The following MBD3 variants were observed in gnomAD, a reference collection of about 807,000 sequenced individuals.
The protein encoded by MBD3 is methyl-CpG binding domain protein 3.
In MBD3, 13 loss-of-function variants were observed where a neutral mutation model predicts 31.2. The ratio of observed to expected loss-of-function variants is 0.42; its 90% CI spans 0.27 to 0.66. The LOEUF (loss-of-function observed/expected upper bound fraction) is 0.66, where lower values mean the gene tolerates loss of function less well. Ranked by LOEUF, MBD3 falls within the 30% of genes least tolerant of loss-of-function variation. The pLI, the probability that MBD3 is intolerant of heterozygous loss-of-function variation, is 0.26. For synonymous variants in MBD3, 223 were observed against 187.4 expected (o/e 1.19, Z -1.55); for missense variants, 440 against 426.5 (o/e 1.03, Z -0.28).
intron 4 of MBD3, chr19:1,581,523 G>A: frequency 7.1e-6 from 4 of 560,464 alleles, no homozygotes; most frequent in South Asian, 5.9e-5. Flanking sequence ...TGGGAGGACT[G>A]ATTGAGCTTA....
chr19:1,592,603 G>T lies in MBD3; in HGVS notation c.29C>A (p.Ala10Glu). ...TTCCCTCTCCCAGCCCTGCGGGAGCGCCGGGCACTCCCACCTCTTCCGCTC... is the reference window on the plus strand; with the variant it reads ...TTCCCTCTCCCAGCCCTGCGGGAGCTCCGGGCACTCCCACCTCTTCCGCTC... MERKRWECPALPQGWEREEV... is the reference protein window; with the variant it reads MERKRWECPELPQGWEREEV... The change falls in exon 1 of 7, where the codon GCG (alanine) becomes GAG (glutamate). Residue 10 changes from alanine (A) to glutamate (E), a missense_variant. Around this residue, in one of 3 missense-constraint regions of MBD3, gnomAD observed 179 missense variants for 134.7 expected, o/e 1.33. Coordinates refer to ENST00000434436, the MANE Select transcript of MBD3 (RefSeq NM_001281453.2). The T allele has an allele frequency of 7.1e-7, 1 of 1,402,716 alleles. No homozygotes were observed. The highest frequency in any genetic ancestry group is 1.5e-5 in the African/African-American group (1 of 65,776). 86.9% of individuals were successfully genotyped at this position (1,402,716 alleles called of 1,614,324 possible).
At chr19:1,586,376 A>G (rs761348239) in intron 1 of MBD3, 1 of 152,352 alleles carries the variant, frequency 6.6e-6, no homozygotes, top group Non-Finnish European at 1.5e-5. Context: ...CGCCAGACAC[A>G]AAAGGCCACA....
At chr19:1,582,501 A>G (rs907879431) in intron 4 of MBD3, 121 bp downstream of exon 4, 6 of 926,490 alleles carry the variant, frequency 6.5e-6, no homozygotes, top group Non-Finnish European at 8.5e-6. Flanking sequence ...TCGCTGGCAG[A>G]TTTGCCCTAA....
chr19:1,592,577 C>A lies in MBD3; in HGVS notation c.55G>T (p.Glu19Ter). 6.9e-7 allele frequency: 1 copy of A among 1,444,968 alleles called. No homozygotes were observed. The highest frequency in any genetic ancestry group is 9.3e-7 in the Non-Finnish European group (1 of 1,077,284). 89.5% of individuals were successfully genotyped at this position (1,444,968 alleles called of 1,614,324 possible). Reference protein sequence around the residue: ...PALPQGWEREEVPRRSGLSAG... With the variant: ...PALPQGWERE ...GACAGCCCCGACCTTCTGGGCACTT[C>A]TTCCCTCTCCCAGCCCTGCGGGAGC... The change falls in exon 1 of 7, where the codon GAA becomes TAA. Residue 19 changes from glutamate to a stop codon, truncating the protein, a stop_gained. Transcript: ENST00000434436. LOFTEE classifies it high-confidence loss of function.
chr19:1,588,799 A>AG (rs2060690915), intron 1 of MBD3, among the ~76,000 whole-genome samples: 1 of 151,258 alleles, frequency 6.6e-6, no homozygotes, highest in Non-Finnish European at 1.5e-5. Context: ...AAAAAAAAAA[A>AG]AAGGTGTAAG....
At position 1,575,255 on chromosome 19, in the gene MBD3, C is replaced by A. The variant is rs2145585349; in HGVS notation, c.*2909G>T. 1 of 428,618 alleles carries A rather than the reference C, an allele frequency of 2.3e-6. No homozygotes were observed. Among genetic ancestry groups the A allele is most frequent in the East Asian group, 7.4e-5 (1 of 13,528 alleles). 26.6% of individuals were successfully genotyped at this position (428,618 alleles called of 1,614,324 possible). A position where few individuals can be genotyped will look rare whatever the true frequency, so the allele number is the denominator to read the frequency against. On this transcript the variant is annotated 3_prime_UTR_variant, in exon 7 of 7. Coordinates refer to ENST00000434436, the MANE Select transcript of MBD3 (RefSeq NM_001281453.2). ...GACCAGACTGGCCAACATGGTGAAA[C>A]CCTGTCTCTATTAAAAATACAAAAA...
Position 1,578,483 on chromosome 19 carries a change from C to T in MBD3, c.733G>A (p.Ala245Thr). The T allele has an allele frequency of 6.2e-7, 1 of 1,611,160 alleles. No homozygotes were observed. The highest frequency in any genetic ancestry group is 8.5e-7 in the Non-Finnish European group (1 of 1,179,908). Residue 245 changes from alanine to threonine, a missense_variant, in exon 6 of 7, where the codon GCC (alanine) becomes ACC (threonine). Ala to Thr is a moderately conservative substitution (Grantham distance 58). This residue lies in a region of MBD3 where 117 missense variants were observed against 95.0 expected (regional missense o/e 1.23). Coordinates refer to ENST00000434436, the MANE Select transcript of MBD3 (RefSeq NM_001281453.2). This position sits in a 1 kb window ranked among gnomAD's most constrained non-coding sequence, Gnocchi z 6.1. The stretch of plus-strand genomic sequence containing the variant: ...TCCTCCACGTGCGCCAGCATGTCGG[C>T]CATCAGCGCCTCCTCCAGCCGCTTC... ...VRKRLEEALMADMLAHVEELA... is the reference protein window; with the variant it reads ...VRKRLEEALMTDMLAHVEELA...
In MBD3 at chr19:1,578,329, C is replaced by G. The variant is rs372484409; in HGVS notation, c.*5+6G>C. 1 of 1,601,864 alleles carries G rather than the reference C, an allele frequency of 6.2e-7. No homozygotes were observed. The highest frequency in any genetic ancestry group is 1.3e-5 in the African/African-American group (1 of 74,892). ...ACTCCAGGGAGCCCCCGTGGCCCCGCAGCACCTGCCCTAGACGTGCTCCAT... is the reference window on the plus strand; with the variant it reads ...ACTCCAGGGAGCCCCCGTGGCCCCGGAGCACCTGCCCTAGACGTGCTCCAT... On this transcript the variant is annotated splice_donor_region_variant and intron_variant, in intron 6 of 6. Transcript: ENST00000434436. The surrounding 1 kb of genome is among the most constrained non-coding windows in gnomAD (Gnocchi z 6.1).
At chr19:1,579,885 G>A (rs889735906) in intron 5 of MBD3, among the ~76,000 whole-genome samples, 1 of 152,186 alleles carries the variant, frequency 6.6e-6, no homozygotes, top group African/African-American at 2.4e-5. Flanking sequence ...AGCCTCCCGA[G>A]TACCTGGGAC....
chr19:1,581,480 C>G, intron 4 of MBD3: 1 of 614,394 alleles, frequency 1.6e-6, no homozygotes, highest in South Asian at 1.9e-5. Flanking sequence ...TGGCGACTCC[C>G]GCCTGTAATC....
At chr19:1,591,214 T>C (rs988221834) in intron 1 of MBD3, among the ~76,000 whole-genome samples, 7 of 152,176 alleles carry the variant, frequency 4.6e-5, no homozygotes, top group South Asian at 2.1e-4. Flanking sequence ...TCACTGCAGA[T>C]CTCAGGACGT....
Position 1,576,494 on chromosome 19 carries a change from G to C in MBD3, c.*1670C>G, listed in dbSNP as rs772921388. 4.6e-5 allele frequency: 7 copies of C among 152,284 alleles called. No homozygotes were observed. Among genetic ancestry groups the C allele is most frequent in the Non-Finnish European group, 8.8e-5 (6 of 68,100 alleles). 9.4% of individuals were successfully genotyped at this position (152,284 alleles called of 1,614,324 possible). A position where few individuals can be genotyped will look rare whatever the true frequency, so the allele number is the denominator to read the frequency against. ...TCAGGGGGCACGGCCCTTGCCCACA[G>C]ATGCCCAGGCCGGCCTGGTCTTCTC... is the stretch of plus-strand genomic sequence containing the variant. On this transcript the variant is annotated 3_prime_UTR_variant, in exon 7 of 7. Transcript: ENST00000434436.
chr19:1,591,680 G>A (rs2060704225), intron 1 of MBD3, among the ~76,000 whole-genome samples: 2 of 151,038 alleles, frequency 1.3e-5, no homozygotes, highest in African/African-American at 2.4e-5. Flanking sequence ...AGAATCAAAA[G>A]CATCTTTCCC....
rs76411242 is a variant in MBD3 at position 1,588,864 on chromosome 19, G to A, written c.111-3650C>T. Among the ~76,000 whole-genome samples the A allele has an allele frequency of 6.6e-3, 1,002 of 150,994 alleles. 10 individuals are homozygous for A. The highest frequency in any genetic ancestry group is 0.023 in the African/African-American group (947 of 41,240). On this transcript the variant is annotated intron_variant, in intron 1 of 6. Transcript: ENST00000434436. Reference sequence around the variant, plus strand: ...CTGGTTGTTAAGACTGGGGGTGGGCGCACAAGGCAGTGGTAAATGGGCCTG... The same window carrying A: ...CTGGTTGTTAAGACTGGGGGTGGGCACACAAGGCAGTGGTAAATGGGCCTG...
chr19:1,592,315 G>C (rs542984428), intron 1 of MBD3: 12 of 164,712 alleles, frequency 7.3e-5, no homozygotes, highest in African/African-American at 9.6e-5. Context: ...GTCCCTGAAC[G>C]GCCGGCCGAA....
chr19:1,584,592 G>T lies in MBD3; in HGVS notation c.356C>A (p.Pro119His). Reference sequence around the variant, plus strand: ...CGGGTCGCTCTTGACCTTGTTGCTGGGGTGGTTGGTAATCTTGGTCACCGG... The same window carrying T: ...CGGGTCGCTCTTGACCTTGTTGCTGTGGTGGTTGGTAATCTTGGTCACCGG... Reference protein sequence around the residue: ...KQPVTKITNHPSNKVKSDPQK... With the variant: ...KQPVTKITNHHSNKVKSDPQK... Residue 119 changes from proline (P) to histidine (H), a missense_variant, in exon 3 of 7, where the codon CCC becomes CAC. Physicochemically the swap from Pro to His is moderately conservative, Grantham distance 77. Around this residue, in one of 3 missense-constraint regions of MBD3, gnomAD observed 144 missense variants for 196.9 expected, o/e 0.73. Coordinates refer to ENST00000434436, the MANE Select transcript of MBD3 (RefSeq NM_001281453.2). The T allele has an allele frequency of 1.2e-6, 2 of 1,613,962 alleles. No homozygotes were observed. Among genetic ancestry groups the T allele is most frequent in the Non-Finnish European group, 1.7e-6 (2 of 1,179,952 alleles).
chr19:1,587,474 G>A (rs895399942), intron 1 of MBD3, among the ~76,000 whole-genome samples: 10 of 151,864 alleles, frequency 6.6e-5, no homozygotes, highest in Non-Finnish European at 1.2e-4. Flanking sequence ...GAGTGCAGTG[G>A]TGTGATCACA....
intron 1 of MBD3, among the ~76,000 whole-genome samples, chr19:1,590,645 G>A (rs1278646114): frequency 6.6e-6 from 1 of 152,156 alleles, no homozygotes; most frequent in African/African-American, 2.4e-5. Flanking sequence ...TTTGTGGAAT[G>A]TGAATTATAT....
chr19:1,578,551 G>T lies in MBD3; in HGVS notation c.678-13C>A. 1 of 1,611,462 alleles carries T rather than the reference G, an allele frequency of 6.2e-7. No individual in the cohort carries two copies. The highest frequency in any genetic ancestry group is 1.1e-5 in the South Asian group (1 of 91,076). The stretch of plus-strand genomic sequence containing the variant: ...CTCTTCCTGCTTCCTGGGGACACAT[G>T]GACCTTGCGTTACACCAAGGTGAGC... On this transcript the variant is annotated splice_polypyrimidine_tract_variant and intron_variant, in intron 5 of 6. Transcript: ENST00000434436. This position sits in a 1 kb window ranked among gnomAD's most constrained non-coding sequence, Gnocchi z 6.1.
Sources: gnomAD v4.1 joint callset for allele counts (sites outside exome capture counted in the v4.1 genomes callset) on GRCh38, gnomAD v4.1.1 for gene constraint, gnomAD v4.1.1 regional missense constraint, Gnocchi (gnomAD v3.1) non-coding constraint, MANE v1.5 for transcripts, NCBI Gene and HGNC (gene_info 2026-07-23, HGNC 2026-07-21) for gene names.